LTBP1: variants seen among roughly 807,000 people sequenced by gnomAD.
The protein encoded by LTBP1 is latent transforming growth factor beta binding protein 1.
A neutral mutation model predicts 207.6 loss-of-function variants in LTBP1; 129 were observed. That is an observed-to-expected ratio of 0.62 (90% CI 0.54 to 0.72). The LOEUF is 0.72. LTBP1 is among the 30% of genes least tolerant of loss of function. LTBP1 has a pLI of 0.00. For missense variants in LTBP1, 2,281 were observed against 2,217.2 expected, an observed-to-expected ratio of 1.03 and a Z score of -0.58; for synonymous variants, 963 against 833.7, an observed-to-expected ratio of 1.16 and a Z score of -2.67.
At chr2:33,271,142 G>A (rs188256167) in intron 15 of LTBP1, among the ~76,000 whole-genome samples, 204 of 152,278 alleles carry the variant, frequency 1.3e-3, no homozygotes, top group Non-Finnish European at 1.5e-3. Flanking sequence ...TCCATTCTAA[G>A]GCTGTCCCTG....
At chr2:33,335,198 C>T (rs1158638670) in intron 24 of LTBP1, among the ~76,000 whole-genome samples, 2 of 151,092 alleles carry the variant, frequency 1.3e-5, no homozygotes, top group Non-Finnish European at 2.9e-5. Context: ...AAAGATGTCT[C>T]ATTGGCCAGC....
At chr2:33,006,545 G>A (rs756763796) in intron 2 of LTBP1, among the ~76,000 whole-genome samples, 4 of 151,388 alleles carry the variant, frequency 2.6e-5, no homozygotes, top group African/African-American at 4.9e-5. Context: ...CACCACACCC[G>A]GCTAATTTTT....
chr2:33,364,036 T>C (rs561243021), intron 29 of LTBP1, among the ~76,000 whole-genome samples, 180 bp from the exon 30 acceptor site: 2 of 152,368 alleles, frequency 1.3e-5, no homozygotes, highest in African/African-American at 4.8e-5. Context: ...TGTTTTTCAG[T>C]CAGAGCAGCT....
At chr2:32,959,597 G>A (rs1302660189) in intron 2 of LTBP1, among the ~76,000 whole-genome samples, 1 of 58,318 alleles carries the variant, frequency 1.7e-5, no homozygotes, top group East Asian at 7.1e-4. Flanking sequence ...ATATGTACGT[G>A]TATATATATA....
chr2:33,299,731 G>A (rs1185844757), intron 20 of LTBP1, among the ~76,000 whole-genome samples: 1 of 152,180 alleles, frequency 6.6e-6, no homozygotes, highest in African/African-American at 2.4e-5. Flanking sequence ...CTTACCAGAC[G>A]TGTTCAAGTT....
At chr2:33,276,015 T>G in intron 18 of LTBP1, 92 bp downstream of exon 18, 1 of 1,437,614 alleles carries the variant, frequency 7.0e-7, no homozygotes. Context: ...CCACACTCAG[T>G]GCGTGACACC....
Position 33,280,268 on chromosome 2 carries a change from C to T in LTBP1, c.3112+110C>T, listed in dbSNP as rs555190389. The T allele has an allele frequency of 2.1e-5, 24 of 1,132,720 alleles. No homozygotes were observed. The African/African-American group carries it at 3.0e-4, about 14-fold the overall frequency. 70.2% of individuals were successfully genotyped at this position (1,132,720 alleles called of 1,614,324 possible). A position where few individuals can be genotyped will look rare whatever the true frequency, so the allele number is the denominator to read the frequency against. On this transcript the variant is annotated intron_variant, in intron 19 of 33. Transcript: ENST00000404816. ...CTCTTTCAAAATGAAAAAATGAAATCTTACATCATTCTAAGAAAAGTTCCC... is the reference window on the plus strand; with the variant it reads ...CTCTTTCAAAATGAAAAAATGAAATTTTACATCATTCTAAGAAAAGTTCCC...
chr2:32,952,968 G>A (rs1157135549), intron 2 of LTBP1, among the ~76,000 whole-genome samples: 1 of 152,182 alleles, frequency 6.6e-6, no homozygotes, highest in Non-Finnish European at 1.5e-5. Flanking sequence ...CATGTGCCAG[G>A]TTCTATGAAT....
At chr2:32,961,150 G>A (rs1436272850) in intron 2 of LTBP1, among the ~76,000 whole-genome samples, 4 of 152,158 alleles carry the variant, frequency 2.6e-5, no homozygotes, top group Admixed American at 6.5e-5. Flanking sequence ...AAAACTGCAC[G>A]TGGAACAGTG....
At chr2:33,331,627 A>G (rs1213435265) in intron 24 of LTBP1, among the ~76,000 whole-genome samples, 1 of 152,130 alleles carries the variant, frequency 6.6e-6, no homozygotes, top group African/African-American at 2.4e-5. Context: ...AATATTATCA[A>G]TTTTAGTAAA....
At chr2:33,047,076 T>G (rs1222635669) in intron 3 of LTBP1, among the ~76,000 whole-genome samples, 1 of 152,204 alleles carries the variant, frequency 6.6e-6, no homozygotes, top group Non-Finnish European at 1.5e-5. Flanking sequence ...CCTGGATTCA[T>G]TGATTTTTTG....
intron 2 of LTBP1, among the ~76,000 whole-genome samples, chr2:32,978,691 CT>C: frequency 9.7e-6 from 1 of 103,306 alleles, no homozygotes; most frequent in East Asian, 2.7e-4. Flanking sequence ...TTGCATGTGT[CT>C]TTGGTTTTGG....
chr2:33,235,213 C>G (rs1267767321), intron 9 of LTBP1, among the ~76,000 whole-genome samples: 1 of 151,940 alleles, frequency 6.6e-6, no homozygotes, highest in East Asian at 1.9e-4. Context: ...TGAAAAAAAT[C>G]AAACAACTCC....
At chr2:33,154,204 T>C (rs1306684717) in intron 5 of LTBP1, among the ~76,000 whole-genome samples, 1 of 152,134 alleles carries the variant, frequency 6.6e-6, no homozygotes, top group Non-Finnish European at 1.5e-5. Context: ...GGCCTGTAGG[T>C]AGATTTTTTT....
intron 29 of LTBP1, among the ~76,000 whole-genome samples, chr2:33,363,791 G>A (rs1034646227): frequency 6.6e-6 from 1 of 152,166 alleles, no homozygotes; most frequent in Non-Finnish European, 1.5e-5. Context: ...TGTTCTTTTG[G>A]TCTGTGGAAC....
intron 31 of LTBP1, among the ~76,000 whole-genome samples, chr2:33,370,129 C>T (rs138385903): frequency 6.6e-6 from 1 of 151,392 alleles, no homozygotes; most frequent in East Asian, 1.9e-4. Context: ...TTAAATAATA[C>T]GTGAACACTT....
intron 7 of LTBP1, among the ~76,000 whole-genome samples, chr2:33,191,193 A>G (rs1558786229): frequency 1.3e-5 from 2 of 152,248 alleles, no homozygotes; most frequent in African/African-American, 4.8e-5. Context: ...GAGGCATAAC[A>G]AACTTGTTAT....
chr2:33,074,057 A>T (rs1353221334), intron 3 of LTBP1, among the ~76,000 whole-genome samples: 1 of 152,222 alleles, frequency 6.6e-6, no homozygotes, highest in Admixed American at 6.5e-5. Context: ...AGCATTCTGC[A>T]CATTTTATTT....
At chr2:33,282,030 T>C (rs1325984212) in intron 19 of LTBP1, among the ~76,000 whole-genome samples, 2 of 148,854 alleles carry the variant, frequency 1.3e-5, no homozygotes, top group Admixed American at 1.4e-4. Flanking sequence ...TCAATATAAA[T>C]AATACTAAAT....
Sources: allele counts gnomAD v4.1 joint callset (sites outside exome capture counted in the v4.1 genomes callset), GRCh38; gene constraint gnomAD v4.1.1; transcripts MANE v1.5; gene names NCBI Gene and HGNC (gene_info 2026-07-23, HGNC 2026-07-21).